Variants in AXIN1 observed in about 807,000 individuals in gnomAD.
AXIN1 encodes axin-1.
AXIN1 carries 30 observed loss-of-function variants against 76.4 expected under a neutral mutation model. The ratio of observed to expected loss-of-function variants is 0.39; its 90% CI spans 0.29 to 0.53. The LOEUF (loss-of-function observed/expected upper bound fraction) is 0.53, where lower values mean the gene tolerates loss of function less well. Ranked by LOEUF, AXIN1 falls within the 20% of genes least tolerant of loss-of-function variation. AXIN1 has a pLI of 0.66. For missense variants in AXIN1, 1,140 were observed against 1,198.8 expected, an observed-to-expected ratio of 0.95 and a Z score of 0.72; for synonymous variants, 545 against 501.4, an observed-to-expected ratio of 1.09 and a Z score of -1.16.
rs780610694 is a variant in AXIN1, at chr16:293,474, C to A, written c.2186+14G>T. The A allele has an allele frequency of 5.2e-5, 83 of 1,606,798 alleles. No homozygotes were observed. The highest frequency in any genetic ancestry group is 6.5e-5 in the Non-Finnish European group (77 of 1,179,364). On this transcript the variant is annotated intron_variant, in intron 8 of 10. Coordinates refer to ENST00000262320, the MANE Select transcript of AXIN1 (RefSeq NM_003502.4). This position sits in a 1 kb window ranked among gnomAD's most constrained non-coding sequence, Gnocchi z 4.6. ...AACCCCCAAGACCCACCCCACCCCACGACGCGGCCGTACCTCTGCTTGGAG... is the reference window on the plus strand; with the variant it reads ...AACCCCCAAGACCCACCCCACCCCAAGACGCGGCCGTACCTCTGCTTGGAG...
rs1401233419 is a variant in AXIN1, at chr16:289,463, C to T, written c.2439G>A (p.Leu813=). Residue 813 remains leucine, a synonymous_variant, in exon 10 of 11, where the codon CTG becomes CTA. Transcript: ENST00000262320. ...ACCTGTAGCTGCCCTTTTTGGTCAG[C>T]AGCTCCTTGAACTGGCCCAGGGTGA... ...RAVTLGQFKE[L]LTKKGSYRYY... 3.1e-6 allele frequency: 5 copies of T among 1,612,960 alleles called. No homozygotes were observed. The highest frequency in any genetic ancestry group is 4.2e-6 in the Non-Finnish European group (5 of 1,180,008).
chr16:304,637 C>T (rs534851766), intron 4 of AXIN1, among the ~76,000 whole-genome samples, 196 bp from the exon 5 acceptor site: 1 of 152,284 alleles, frequency 6.6e-6, no homozygotes, highest in South Asian at 2.1e-4. Context: ...CGGGTTCAAG[C>T]GATTCTCCTG....
rs374542363 is a variant in AXIN1 at position 336,770 on chromosome 16, T to C, written c.878+9378A>G. Among the ~76,000 whole-genome samples the C allele has an allele frequency of 1.1e-3, 157 of 146,168 alleles. 1 individual carries two copies. The highest frequency in any genetic ancestry group is 3.7e-3 in the African/African-American group (144 of 38,858). ...AGGCGGAGGTTGCAGTGAGCTGAGG[T>C]TGCACCACTGCACTCCAGTCTGGGC... On this transcript the variant is annotated intron_variant, in intron 2 of 10. Transcript: ENST00000262320.
intron 2 of AXIN1, among the ~76,000 whole-genome samples, chr16:319,419 T>A (rs2053388037): frequency 1.3e-5 from 2 of 152,030 alleles, no homozygotes; most frequent in African/African-American, 2.4e-5. Flanking sequence ...AGTGGAGCGG[T>A]GAGGAGGCGC....
intron 2 of AXIN1, 108 bp downstream of exon 2, chr16:346,040 C>G (rs2141699027): frequency 1.9e-6 from 2 of 1,080,452 alleles, no homozygotes; most frequent in Admixed American, 4.1e-5. Flanking sequence ...CCAGCGGCAG[C>G]AGGACATCCG....
intron 4 of AXIN1, among the ~76,000 whole-genome samples, chr16:308,529 G>A (rs1273878815): frequency 3.0e-4 from 45 of 152,270 alleles, no homozygotes; most frequent in Admixed American, 2.9e-3. Context: ...CATGGGCACA[G>A]AGGGCTGTTC....
At chr16:323,673 C>A (rs1010821587) in intron 2 of AXIN1, among the ~76,000 whole-genome samples, 3 of 151,578 alleles carry the variant, frequency 2.0e-5, no homozygotes, top group Admixed American at 6.6e-5. Flanking sequence ...CCCAGCTACT[C>A]GGGAGTCTGA....
rs190170779 is a variant in AXIN1, at chr16:305,534, G to C, written c.1117-1093C>G. Among the ~76,000 whole-genome samples, 2 of 152,040 alleles carry C rather than the reference G, an allele frequency of 1.3e-5. 1 individual carries two copies. The highest frequency in any genetic ancestry group is 3.9e-4 in the East Asian group (2 of 5,154). ...TAGTAATATACCATATAGCTTGTTT[G>C]TTTTTGGTTTTTTTTGTTTTTGTTT... On this transcript the variant is annotated intron_variant, in intron 4 of 10. Coordinates refer to ENST00000262320, the MANE Select transcript of AXIN1 (RefSeq NM_003502.4).
chr16:294,872 C>T (rs190839533), intron 7 of AXIN1, among the ~76,000 whole-genome samples: 241 of 151,028 alleles, frequency 1.6e-3, no homozygotes, highest in African/African-American at 5.7e-3. Flanking sequence ...ACCGTCCTGG[C>T]TAACACGGTG....
intron 2 of AXIN1, among the ~76,000 whole-genome samples, chr16:324,223 G>A (rs1056839202): frequency 3.3e-5 from 5 of 152,314 alleles, no homozygotes; most frequent in African/African-American, 7.2e-5. Context: ...GCCACATTAC[G>A]GGTCGGCACT....
In AXIN1 at chr16:293,631, G is replaced by A. The variant is rs749204450; in HGVS notation, c.2043C>T (p.Thr681=). 2 of 1,613,600 alleles carry A rather than the reference G, an allele frequency of 1.2e-6. No homozygotes were observed. The highest frequency in any genetic ancestry group is 1.1e-5 in the South Asian group (1 of 91,080). ...TGAAGAGGTGGGAGGGCTGCACGGA[G>A]GTCCGGAGCTGAGGGCCGGCCCAGG... ...EHPWAGPQLR[T]SVQPSHLFIQ... is the part of the protein sequence containing the mutation. The change falls in exon 8 of 11, where the codon ACC becomes ACT. Residue 681 remains threonine (T), a synonymous_variant. Transcript: ENST00000262320. The surrounding 1 kb of genome is among the most constrained non-coding windows in gnomAD (Gnocchi z 4.6).
chr16:304,586 G>A, intron 4 of AXIN1, 145 bp from the exon 5 acceptor site: 1 of 1,279,104 alleles, frequency 7.8e-7, no homozygotes, highest in South Asian at 1.4e-5. Flanking sequence ...CCAGGCTGGA[G>A]TGCAATGGCG....
chr16:331,078 G>A (rs368287953), intron 2 of AXIN1, among the ~76,000 whole-genome samples: 5 of 152,148 alleles, frequency 3.3e-5, no homozygotes, highest in East Asian at 1.9e-4. Flanking sequence ...CCAGGTTGCC[G>A]GCTTACAGTC....
In AXIN1 at chr16:323,776, C is replaced by CCACACACACA. The variant is rs10673343; in HGVS notation, c.879-9103_879-9094dup. On this transcript the variant is annotated intron_variant, in intron 2 of 10. Transcript: ENST00000262320. ...GCCTGGGCAACAGAGTGAGACTCCA[C>CCACACACACA]CACACACACACACACACACACACAC... is the stretch of plus-strand genomic sequence containing the variant. Among the ~76,000 whole-genome samples, 364 of 148,394 alleles carry CCACACACACA rather than the reference C, an allele frequency of 2.5e-3. 1 individual carries two copies. The highest frequency in any genetic ancestry group is 8.2e-3 in the African/African-American group (332 of 40,246).
At chr16:335,972 C>T (rs1038432045) in intron 2 of AXIN1, among the ~76,000 whole-genome samples, 8 of 152,306 alleles carry the variant, frequency 5.3e-5, no homozygotes, top group South Asian at 2.1e-4. Flanking sequence ...TGGTGGCTCA[C>T]GCCTATAATC....
intron 5 of AXIN1, among the ~76,000 whole-genome samples, chr16:299,950 C>T (rs111314581): frequency 2.7e-5 from 4 of 150,548 alleles, no homozygotes; most frequent in Admixed American, 1.3e-4. Context: ...CCACCGTGCC[C>T]GGCCTATTTT....
chr16:347,038 C>T lies in AXIN1; in HGVS notation c.-13G>A, dbSNP rs866221151. ...CTTGGATATTCATTTTGGGACTCTGCGTCAAGGAACAATGAGCGCTGCACC... is the reference window on the plus strand; with the variant it reads ...CTTGGATATTCATTTTGGGACTCTGTGTCAAGGAACAATGAGCGCTGCACC... On this transcript the variant is annotated 5_prime_UTR_variant, in exon 2 of 11. Transcript: ENST00000262320. The T allele has an allele frequency of 4.3e-6, 7 of 1,613,948 alleles. No homozygotes were observed. The highest frequency in any genetic ancestry group is 1.7e-5 in the Admixed American group (1 of 60,024).
chr16:343,482 T>C (rs1217334139), intron 2 of AXIN1, among the ~76,000 whole-genome samples: 1 of 149,652 alleles, frequency 6.7e-6, no homozygotes, highest in African/African-American at 2.5e-5. Context: ...CGGGCAGATC[T>C]CTTGAGGAAA....
intron 3 of AXIN1, 22 bp downstream of exon 3, chr16:314,521 G>A (rs777959355): frequency 1.9e-6 from 3 of 1,612,842 alleles, no homozygotes; most frequent in South Asian, 1.1e-5. Context: ...GTGAGGGACT[G>A]GGTATCCGGG....
Sources: gnomAD v4.1 joint callset for allele counts (sites outside exome capture counted in the v4.1 genomes callset) on GRCh38, gnomAD v4.1.1 for gene constraint, Gnocchi (gnomAD v3.1) non-coding constraint, MANE v1.5 for transcripts, NCBI Gene and HGNC (gene_info 2026-07-23, HGNC 2026-07-21) for gene names.